Variants in ACTR3C observed in about 807,000 individuals in gnomAD.
ACTR3C encodes actin related protein 3C.
Under a neutral mutation model 26.3 loss-of-function variants are expected in ACTR3C, and 18 were observed. The ratio of observed to expected loss-of-function variants is 0.68; its 90% CI spans 0.47 to 1.01. The LOEUF (loss-of-function observed/expected upper bound fraction) is 1.01. Among genes scored for constraint, ACTR3C ranks in the 50% least tolerant of loss-of-function variants. The pLI is 0.00. For synonymous variants in ACTR3C, 55 were observed against 94.5 expected (o/e 0.58, Z 2.42); for missense variants, 184 against 250.7 (o/e 0.73, Z 1.80).
At chr7:150,211,710 T>A in the ACTR3C span, among the ~76,000 whole-genome samples, 2,009 of 145,906 alleles carry the variant, frequency 0.014, 26 homozygotes, top group African/African-American at 0.025. Flanking sequence ...ACCTGACACA[T>A]AACAGGTGCC....
At chr7:150,172,092 A>G in the ACTR3C span, among the ~76,000 whole-genome samples, 4 of 150,770 alleles carry the variant, frequency 2.7e-5, 1 homozygote, top group East Asian at 1.9e-4. Context: ...TTACAGGCGT[A>G]AGCCACTGCA....
At chr7:149,950,462 G>A in the ACTR3C span, among the ~76,000 whole-genome samples, 1 of 151,620 alleles carries the variant, frequency 6.6e-6, no homozygotes, top group Non-Finnish European at 1.5e-5. Context: ...ATTTTGTTAG[G>A]TATCAGGGTA....
chr7:150,176,446 C>T, the ACTR3C span, among the ~76,000 whole-genome samples: 7 of 150,930 alleles, frequency 4.6e-5, no homozygotes, highest in African/African-American at 1.7e-4. Context: ...TAACTGATTA[C>T]AGCTGAGCTT....
chr7:149,984,279 C>T, the ACTR3C span, among the ~76,000 whole-genome samples: 2 of 151,894 alleles, frequency 1.3e-5, no homozygotes, highest in African/African-American at 2.4e-5. Flanking sequence ...TCTCAGCTCA[C>T]TGCAACCTCT....
chr7:149,947,083 C>T, the ACTR3C span, among the ~76,000 whole-genome samples: 52,623 of 151,020 alleles, frequency 0.35, 9,650 homozygotes, highest in Non-Finnish European at 0.42. Context: ...TCCACAATCC[C>T]GGCTTCCCCA....
the ACTR3C span, among the ~76,000 whole-genome samples, chr7:149,992,802 G>C: frequency 6.6e-6 from 1 of 152,196 alleles, no homozygotes; most frequent in African/African-American, 2.4e-5. Flanking sequence ...ATGCTCACGA[G>C]GTGAAGTCCC....
At chr7:150,192,839 G>A in the ACTR3C span, among the ~76,000 whole-genome samples, 1 of 152,140 alleles carries the variant, frequency 6.6e-6, no homozygotes, top group Admixed American at 6.5e-5. Flanking sequence ...TTGACATATC[G>A]ATTAACATGT....
the ACTR3C span, among the ~76,000 whole-genome samples, chr7:150,118,618 C>T: frequency 6.9e-6 from 1 of 144,426 alleles, no homozygotes; most frequent in Non-Finnish European, 1.5e-5. Flanking sequence ...ATTGGTGTAC[C>T]TGAAAGTGAC....
At chr7:150,000,924 T>G in the ACTR3C span, 1 of 147,488 alleles carries the variant, frequency 6.8e-6, no homozygotes, top group East Asian at 1.9e-4. Context: ...CTTGTAAATC[T>G]GCTCCAACAA....
chr7:150,292,237 T>G lies in ACTR3C; in HGVS notation c.153+1075A>C, dbSNP rs187292554. Among the ~76,000 whole-genome samples, 427 of 152,142 alleles carry G rather than the reference T, an allele frequency of 2.8e-3. 2 individuals are homozygous for G. The highest frequency in any genetic ancestry group is 9.7e-3 in the African/African-American group (402 of 41,446). Reference sequence around the variant, plus strand: ...GTAACATAACAGAAGTAACTAGCAATGGTGGTTCCTGAGGAGGAGACCTCA... The same window carrying G: ...GTAACATAACAGAAGTAACTAGCAAGGGTGGTTCCTGAGGAGGAGACCTCA... On this transcript the variant is annotated intron_variant, in intron 3 of 7. Transcript: ENST00000683684.
At chr7:150,050,610 G>GGAGGGC in the ACTR3C span, among the ~76,000 whole-genome samples, 8 of 152,178 alleles carry the variant, frequency 5.3e-5, no homozygotes, top group African/African-American at 1.9e-4. Context: ...GAGGGCAGGG[G>GGAGGGC]AGGAGGGCAG....
chr7:150,222,611 A>G, the ACTR3C span, among the ~76,000 whole-genome samples: 2 of 152,178 alleles, frequency 1.3e-5, no homozygotes, highest in African/African-American at 4.8e-5. Context: ...ATTATAGTGG[A>G]AGAGAGGGCC....
chr7:150,042,277 C>A, the ACTR3C span, among the ~76,000 whole-genome samples: 1 of 34,842 alleles, frequency 2.9e-5, no homozygotes, highest in Non-Finnish European at 5.5e-5. Flanking sequence ...GCCTCCCCCT[C>A]CTGCGATGGG....
the ACTR3C span, among the ~76,000 whole-genome samples, chr7:150,128,814 G>A: frequency 4.6e-5 from 7 of 152,080 alleles, no homozygotes; most frequent in African/African-American, 1.7e-4. Context: ...TTAGACTTTG[G>A]ACAACAGGCA....
intron 5 of ACTR3C, among the ~76,000 whole-genome samples, chr7:150,285,722 A>G (rs1254949534): frequency 6.6e-6 from 1 of 152,232 alleles, no homozygotes; most frequent in Admixed American, 6.5e-5. Context: ...TATAAACTGA[A>G]TTAGCCAGGA....
At chr7:150,204,254 C>T in the ACTR3C span, among the ~76,000 whole-genome samples, 2 of 144,022 alleles carry the variant, frequency 1.4e-5, no homozygotes, top group Non-Finnish European at 3.0e-5. Context: ...CTCAGGCAGC[C>T]CCATGTGAAG....
chr7:149,948,382 C>T, the ACTR3C span, among the ~76,000 whole-genome samples: 2 of 150,426 alleles, frequency 1.3e-5, no homozygotes, highest in African/African-American at 2.5e-5. Flanking sequence ...GACCTCTGTG[C>T]CTGCTCACCT....
intron 3 of ACTR3C, among the ~76,000 whole-genome samples, chr7:150,290,049 C>T (rs1836113684): frequency 6.6e-6 from 1 of 152,126 alleles, no homozygotes; most frequent in Admixed American, 6.5e-5. Flanking sequence ...TTCTAACAAC[C>T]TGGACTCAAA....
chr7:150,067,826 A>AT, the ACTR3C span, among the ~76,000 whole-genome samples: 1 of 138,468 alleles, frequency 7.2e-6, no homozygotes, highest in African/African-American at 2.8e-5. Context: ...GGTCGGGGGG[A>AT]GGGTGCGGAC....
Sources: allele counts gnomAD v4.1 joint callset (sites outside exome capture counted in the v4.1 genomes callset), GRCh38; gene constraint gnomAD v4.1.1; transcripts MANE v1.5; gene names NCBI Gene and HGNC (gene_info 2026-07-23, HGNC 2026-07-21).